Variants in SLC39A14 observed in about 807,000 individuals in gnomAD.
SLC39A14 encodes solute carrier family 39 member 14.
A neutral mutation model predicts 45.5 loss-of-function variants in SLC39A14; 19 were observed. The observed-to-expected ratio is 0.42, with a 90% confidence interval of 0.29 to 0.61. The LOEUF (loss-of-function observed/expected upper bound fraction) is 0.61. Ranked by LOEUF, SLC39A14 falls within the 20% of genes least tolerant of loss-of-function variation. The probability of loss-of-function intolerance (pLI) is 0.22; values close to 1 mark genes in which losing one functional copy is unlikely to be tolerated. For synonymous variants in SLC39A14, 264 were observed against 251.3 expected (o/e 1.05, Z -0.48); for missense variants, 447 against 616.5 (o/e 0.73, Z 2.91).
chr8:22,394,274 G>C (rs1213315309), intron 1 of SLC39A14, among the ~76,000 whole-genome samples: 1 of 151,584 alleles, frequency 6.6e-6, no homozygotes, highest in Non-Finnish European at 1.5e-5. Flanking sequence ...CAAAGTGCTG[G>C]GATTGTAGGC....
At chr8:22,403,383 G>A (rs951380312) in intron 1 of SLC39A14, among the ~76,000 whole-genome samples, 15 of 151,534 alleles carry the variant, frequency 9.9e-5, no homozygotes, top group African/African-American at 2.7e-4. Context: ...AGGTTCAAGC[G>A]ATTCTCCTGC....
At chr8:22,415,537 C>T (rs144734569) in intron 5 of SLC39A14, 19 of 462,188 alleles carry the variant, frequency 4.1e-5, no homozygotes, top group African/African-American at 2.7e-4. Context: ...CTCAAGCAGT[C>T]CTCCCACCTC....
At chr8:22,390,534 C>T in intron 1 of SLC39A14, 1 of 153,002 alleles carries the variant, frequency 6.5e-6, no homozygotes, top group South Asian at 2.0e-4. Flanking sequence ...CTCCTAGCCT[C>T]AAGTGATCTG....
At chr8:22,368,051 C>T (rs935532452) in intron 1 of SLC39A14, among the ~76,000 whole-genome samples, 1 of 152,100 alleles carries the variant, frequency 6.6e-6, no homozygotes, top group Admixed American at 6.6e-5. Flanking sequence ...CCAGTTGAGC[C>T]GGGAAAATTT....
At chr8:22,392,209 G>A (rs1040118322) in intron 1 of SLC39A14, among the ~76,000 whole-genome samples, 3 of 152,164 alleles carry the variant, frequency 2.0e-5, no homozygotes, top group East Asian at 1.9e-4. Context: ...AAGTAAAGCC[G>A]TTGTCCTGAG....
In SLC39A14 at chr8:22,420,297, G is replaced by A; in HGVS notation, c.*599G>A. 2 of 985,492 alleles carry A rather than the reference G, an allele frequency of 2.0e-6. No individual in the cohort carries two copies. The highest frequency in any genetic ancestry group is 2.4e-6 in the Non-Finnish European group (2 of 829,992). The allele number at this position is 985,492 out of a possible 1,614,324, so 61.0% of individuals were successfully genotyped here. A position where few individuals can be genotyped will look rare whatever the true frequency, so the allele number is the denominator to read the frequency against. ...GCAAGGTTCATCCTGAATGGGAGAG[G>A]AAGTCGAACCACTGCTGTGTGTCTT... On this transcript the variant is annotated 3_prime_UTR_variant, in exon 9 of 9. Coordinates refer to ENST00000381237, the MANE Select transcript of SLC39A14 (RefSeq NM_001128431.4).
At chr8:22,401,303 G>A (rs1044718325) in intron 1 of SLC39A14, among the ~76,000 whole-genome samples, 32 of 152,168 alleles carry the variant, frequency 2.1e-4, no homozygotes, top group African/African-American at 7.5e-4. Context: ...GGCATGTGAT[G>A]CACTGAGATT....
chr8:22,368,912 C>T (rs780483074), intron 1 of SLC39A14, among the ~76,000 whole-genome samples: 44 of 152,110 alleles, frequency 2.9e-4, no homozygotes, highest in African/African-American at 8.5e-4. Flanking sequence ...GCATATCCCC[C>T]GGGACGCAGC....
chr8:22,409,741 G>A (rs1188535289), intron 3 of SLC39A14, among the ~76,000 whole-genome samples: 4 of 152,328 alleles, frequency 2.6e-5, no homozygotes, highest in Non-Finnish European at 4.4e-5. Flanking sequence ...TGGAAAAGGT[G>A]TTTCTCTTGG....
rs1563489484 is a variant in SLC39A14, at chr8:22,379,943, A to AAAG, written c.-16+12537_-16+12538insGAA. On this transcript the variant is annotated intron_variant, in intron 1 of 8. Transcript: ENST00000381237. Reference sequence around the variant, plus strand: ...ACTCCATCTCAAAAAAAAAAAAAAAAAAAAGAAAAGAAAAGAAACAACACT... The same window carrying AAAG: ...ACTCCATCTCAAAAAAAAAAAAAAAAAAGAAAAGAAAAGAAAAGAAACAACACT... 8.7e-5 allele frequency among the ~76,000 whole-genome samples: 12 copies of AAAG among 137,496 alleles called. No individual in the cohort carries two copies. In the East Asian group the frequency reaches 2.4e-3, roughly 28 times the overall value. The allele number at this position is 137,496 out of a possible 152,430, so 90.2% of individuals were successfully genotyped here. A position where few individuals can be genotyped will look rare whatever the true frequency, so the allele number is the denominator to read the frequency against.
chr8:22,432,814 TTTTG>T (rs1451794393), intron 8 of SLC39A14, among the ~76,000 whole-genome samples: 1 of 104,998 alleles, frequency 9.5e-6, no homozygotes, highest in Non-Finnish European at 1.8e-5. Context: ...CACCCGGCTA[TTTTG>T]TTTTTTTTTT....
intron 1 of SLC39A14, chr8:22,398,848 C>A: frequency 1.6e-6 from 1 of 607,008 alleles, no homozygotes; most frequent in Non-Finnish European, 2.1e-6. Context: ...AACTTCTGCG[C>A]TTCCATAGAG....
At chr8:22,413,420 C>G (rs1563593947) in intron 4 of SLC39A14, among the ~76,000 whole-genome samples, 1 of 152,152 alleles carries the variant, frequency 6.6e-6, no homozygotes, top group Non-Finnish European at 1.5e-5. Flanking sequence ...GAAGCTCAAC[C>G]CCATGATTCT....
intron 1 of SLC39A14, among the ~76,000 whole-genome samples, chr8:22,397,268 A>AT (rs1370711248): frequency 5.3e-5 from 8 of 151,870 alleles, no homozygotes; most frequent in Admixed American, 3.3e-4. Context: ...GTAGCCCTTG[A>AT]TTTTTTTTAT....
chr8:22,433,852 C>A, intron 8 of SLC39A14: 2 of 305,498 alleles, frequency 6.5e-6, no homozygotes, highest in Non-Finnish European at 1.3e-5. Context: ...TGAGCCACTG[C>A]ACTCGGCCAT....
At chr8:22,386,249 T>C (rs1253463706) in intron 1 of SLC39A14, among the ~76,000 whole-genome samples, 2 of 150,550 alleles carry the variant, frequency 1.3e-5, no homozygotes, top group Non-Finnish European at 3.0e-5. Flanking sequence ...CTGACGAATA[T>C]GTACTTTAGA....
intron 3 of SLC39A14, 125 bp downstream of exon 3, chr8:22,408,621 C>T (rs772746995): frequency 1.5e-5 from 14 of 911,746 alleles, no homozygotes; most frequent in East Asian, 2.7e-5. Context: ...ATGAGGTTGT[C>T]GGTGTCAGGA....
chr8:22,416,125 CTGA>C lies in SLC39A14; in HGVS notation c.994_996del (p.Asp332del). ...TACTGGCTGAAAGGTGTCCGCTACTCTGATATCGGCACTCTGGCCTGGATGATC... is the reference window on the plus strand; with the variant it reads ...TACTGGCTGAAAGGTGTCCGCTACTCTATCGGCACTCTGGCCTGGATGATC... On this transcript the variant is annotated inframe_deletion, in exon 7 of 9. Transcript: ENST00000381237. The C allele has an allele frequency of 6.2e-7, 1 of 1,614,166 alleles. No individual in the cohort carries two copies. Among genetic ancestry groups the C allele is most frequent in the Non-Finnish European group, 8.5e-7 (1 of 1,180,038 alleles).
At chr8:22,369,802 C>T (rs1832833143) in intron 1 of SLC39A14, among the ~76,000 whole-genome samples, 2 of 152,226 alleles carry the variant, frequency 1.3e-5, no homozygotes, top group Non-Finnish European at 2.9e-5. Flanking sequence ...TGTCATCATT[C>T]TCATCGTCAT....
Sources: gnomAD v4.1 joint callset for allele counts (sites outside exome capture counted in the v4.1 genomes callset) on GRCh38, gnomAD v4.1.1 for gene constraint, MANE v1.5 for transcripts, NCBI Gene and HGNC (gene_info 2026-07-23, HGNC 2026-07-21) for gene names.